The following LMTK3 variants were observed in gnomAD, a reference collection of about 807,000 sequenced individuals.
The protein encoded by LMTK3 is serine/threonine-protein kinase LMTK3.
A neutral mutation model predicts 116.7 loss-of-function variants in LMTK3; 27 were observed. That is an observed-to-expected ratio of 0.23 (90% CI 0.17 to 0.32). The LOEUF (loss-of-function observed/expected upper bound fraction) is 0.32. Among genes scored for constraint, LMTK3 ranks in the 10% least tolerant of loss-of-function variants. LMTK3 has a pLI of 1.00. For missense variants in LMTK3, 1,764 were observed against 2,068.5 expected, an observed-to-expected ratio of 0.85 and a Z score of 2.86; for synonymous variants, 965 against 971.0, an observed-to-expected ratio of 0.99 and a Z score of 0.11.
Position 48,508,835 on chromosome 19 carries a change from G to A in LMTK3, c.557+16C>T. On this transcript the variant is annotated intron_variant, in intron 5 of 14. Transcript: ENST00000600059. ...CACCTCAACAAGGCACACACCCACTGAGAAACCCTCAGTACCTGTACGGCT... is the reference window on the plus strand; with the variant it reads ...CACCTCAACAAGGCACACACCCACTAAGAAACCCTCAGTACCTGTACGGCT... The A allele has an allele frequency of 1.9e-6, 3 of 1,597,634 alleles. No individual in the cohort carries two copies. Among genetic ancestry groups the A allele is most frequent in the African/African-American group, 1.3e-5 (1 of 74,720 alleles).
intron 12 of LMTK3, 115 bp downstream of exon 12, chr19:48,493,579 T>C (rs1601043436): frequency 1.1e-5 from 9 of 791,272 alleles, no homozygotes; most frequent in South Asian, 3.4e-5. Context: ...CAGCTCCGCC[T>C]CCCTCCAGGC....
chr19:48,508,226 T>C (rs555615524), intron 5 of LMTK3, among the ~76,000 whole-genome samples: 11 of 151,944 alleles, frequency 7.2e-5, no homozygotes, highest in Non-Finnish European at 1.2e-4. Flanking sequence ...CATGGGAGGT[T>C]TTGGAGTGAG....
chr19:48,500,891 T>G lies in LMTK3; in HGVS notation c.1151+105A>C. On this transcript the variant is annotated intron_variant, in intron 10 of 14. Coordinates refer to ENST00000600059, the MANE Select transcript of LMTK3 (RefSeq NM_001388485.1). The surrounding 1 kb of genome is among the most constrained non-coding windows in gnomAD (Gnocchi z 4.0). ...AGCCCCTCTTCACTCTTGAGGGGTA[T>G]GGAGGGCAAACGGGATGTGGGTGAT... 1 of 1,180,914 alleles carries G rather than the reference T, an allele frequency of 8.5e-7. No individual in the cohort carries two copies. Among genetic ancestry groups the G allele is most frequent in the Non-Finnish European group, 1.2e-6 (1 of 865,064 alleles). 73.2% of individuals were successfully genotyped at this position (1,180,914 alleles called of 1,614,324 possible).
At chr19:48,501,751 C>T (rs1029110866) in intron 7 of LMTK3, among the ~76,000 whole-genome samples, 189 bp from the exon 8 acceptor site, 1 of 151,990 alleles carries the variant, frequency 6.6e-6, no homozygotes, top group Non-Finnish European at 1.5e-5. Context: ...TCTCCCCACC[C>T]CTGGTTCCTC....
chr19:48,486,972 TCTC>T (rs1972135089), intron 14 of LMTK3, among the ~76,000 whole-genome samples: 2 of 151,908 alleles, frequency 1.3e-5, no homozygotes, highest in Non-Finnish European at 2.9e-5. Context: ...TTCAAGCAAT[TCTC>T]CTGCTTCAGC....
chr19:48,493,810 G>A lies in LMTK3; in HGVS notation c.3976C>T (p.Leu1326=). 1 of 1,504,798 alleles carries A rather than the reference G, an allele frequency of 6.6e-7. No homozygotes were observed. The allele number at this position is 1,504,798 out of a possible 1,614,324, so 93.2% of individuals were successfully genotyped here. A position where few individuals can be genotyped will look rare whatever the true frequency, so the allele number is the denominator to read the frequency against. ...CGCGGAGACTTGAGCAGCCCCCGCA[G>A]CGGGCGGGCCGCGTCCGCGTCGGCG... The part of the protein sequence containing the change: ...SSADADAARP[L]RGLLKSPRGA... The change falls in exon 12 of 15, where the codon CTG becomes TTG. Residue 1326 remains leucine, a synonymous_variant. Transcript: ENST00000600059.
intron 14 of LMTK3, among the ~76,000 whole-genome samples, chr19:48,490,870 T>C (rs1432160848): frequency 3.3e-5 from 5 of 151,774 alleles, no homozygotes; most frequent in Non-Finnish European, 7.4e-5. Flanking sequence ...CCACAGAAGG[T>C]AAAACTGAGG....
At position 48,502,468 on chromosome 19, in the gene LMTK3, C is replaced by A. The variant is rs768376133; in HGVS notation, c.759G>T (p.Gly253=). 1.2e-6 allele frequency: 2 copies of A among 1,611,162 alleles called. No homozygotes were observed. The highest frequency in any genetic ancestry group is 1.7e-6 in the Non-Finnish European group (2 of 1,179,188). Residue 253 remains glycine (G), a synonymous_variant, in exon 7 of 15, where the codon GGG becomes GGT. Coordinates refer to ENST00000600059, the MANE Select transcript of LMTK3 (RefSeq NM_001388485.1). ...LQRMGLEIAR[G]LAHLHSHNYV... is the part of the protein sequence containing the mutation. ...AGTTGTGGGAATGCAGGTGCGCCAG[C>A]CCGCGGGCGATCTCCAGGCCCATCC...
chr19:48,485,819 G>T lies in LMTK3; in HGVS notation c.4367-30C>A, dbSNP rs767778028. 5.0e-6 allele frequency: 8 copies of T among 1,599,764 alleles called. No individual in the cohort carries two copies. In the East Asian group the frequency reaches 1.8e-4, roughly 36 times the overall value. On this transcript the variant is annotated intron_variant, in intron 14 of 14. Transcript: ENST00000600059. ...GGATGGACAGAGGAGACAGAGAAATGAAATTACTAGGGGGACAGCCTCATG... is the reference window on the plus strand; with the variant it reads ...GGATGGACAGAGGAGACAGAGAAATTAAATTACTAGGGGGACAGCCTCATG...
At chr19:48,501,610 A>G (rs1226496088) in intron 7 of LMTK3, 48 bp from the exon 8 acceptor site, 2 of 1,536,730 alleles carry the variant, frequency 1.3e-6, no homozygotes, top group Admixed American at 1.9e-5. Context: ...CCCTCCAGCC[A>G]CGCCCTGACC....
intron 7 of LMTK3, among the ~76,000 whole-genome samples, chr19:48,502,139 C>T (rs561745019): frequency 1.1e-4 from 14 of 128,182 alleles, no homozygotes; most frequent in Admixed American, 2.3e-4. Flanking sequence ...TCTTCCTCCT[C>T]CTCCCCTGAC....
At chr19:48,502,410 C>T (rs1290468503) in intron 7 of LMTK3, 23 bp downstream of exon 7, 2 of 1,605,706 alleles carry the variant, frequency 1.2e-6, no homozygotes, top group Non-Finnish European at 1.7e-6. Context: ...GTAGCTCCTC[C>T]CGCGGCTCCC....
intron 5 of LMTK3, among the ~76,000 whole-genome samples, chr19:48,507,314 C>T (rs1438962772): frequency 3.9e-5 from 6 of 152,214 alleles, no homozygotes; most frequent in Admixed American, 6.6e-5. Context: ...CCTAGGGTCA[C>T]ACAGCTGGTA....
intron 5 of LMTK3, among the ~76,000 whole-genome samples, chr19:48,508,452 G>A (rs1434961818): frequency 6.6e-6 from 1 of 152,062 alleles, no homozygotes; most frequent in Non-Finnish European, 1.5e-5. Context: ...TGGCCTGCTC[G>A]GGCACCTGCT....
Position 48,491,496 on chromosome 19 carries a change from C to T in LMTK3, c.4136G>A (p.Gly1379Glu). ...TGGAGGCGTTGACGGGTCCGTGTCC[C>T]CCTCGGGGGGGGCCTGGACGCTCAG... ...NELSVQAPPE[G>E]DTDPSTPPAP... is the part of the protein sequence containing the mutation. Residue 1379 changes from glycine to glutamate, a missense_variant, in exon 13 of 15, where the codon GGG becomes GAG. Coordinates refer to ENST00000600059, the MANE Select transcript of LMTK3 (RefSeq NM_001388485.1). The surrounding 1 kb of genome is among the most constrained non-coding windows in gnomAD (Gnocchi z 5.1). 3 of 1,406,922 alleles carry T rather than the reference C, an allele frequency of 2.1e-6. No individual in the cohort carries two copies. Among genetic ancestry groups the T allele is most frequent in the Non-Finnish European group, 2.8e-6 (3 of 1,077,698 alleles). 87.2% of individuals were successfully genotyped at this position (1,406,922 alleles called of 1,614,324 possible). A position where few individuals can be genotyped will look rare whatever the true frequency, so the allele number is the denominator to read the frequency against.
Position 48,511,598 on chromosome 19 carries a change from G to C in LMTK3, c.-22C>G. ...GCATCTTGTCGAGGATGGCAGGGAGGTGGAGGTGGTGGCGGCTGGGGAGGA... is the reference window on the plus strand; with the variant it reads ...GCATCTTGTCGAGGATGGCAGGGAGCTGGAGGTGGTGGCGGCTGGGGAGGA... On this transcript the variant is annotated 5_prime_UTR_variant, in exon 1 of 15. Transcript: ENST00000600059. The C allele has an allele frequency of 8.1e-7, 1 of 1,230,958 alleles. No individual in the cohort carries two copies. The highest frequency in any genetic ancestry group is 1.1e-6 in the Non-Finnish European group (1 of 921,368). 76.3% of individuals were successfully genotyped at this position (1,230,958 alleles called of 1,614,324 possible). A position where few individuals can be genotyped will look rare whatever the true frequency, so the allele number is the denominator to read the frequency against.
At chr19:48,495,159 G>A (rs1206131870) in intron 11 of LMTK3, among the ~76,000 whole-genome samples, 1 of 151,906 alleles carries the variant, frequency 6.6e-6, no homozygotes, top group Non-Finnish European at 1.5e-5. Context: ...ACAGGTGCCT[G>A]CCCCCACGCT....
chr19:48,505,103 C>CTTT (rs33927563), intron 5 of LMTK3, among the ~76,000 whole-genome samples: 648 of 55,608 alleles, frequency 0.012, 93 homozygotes, highest in South Asian at 0.019. Flanking sequence ...CTCTCTCTCT[C>CTTT]TTTTTTTTTT....
intron 6 of LMTK3, 114 bp from the exon 7 acceptor site, chr19:48,502,695 T>TC (rs1972494556): frequency 7.9e-7 from 1 of 1,269,360 alleles, no homozygotes; most frequent in Admixed American, 2.8e-5. Flanking sequence ...AGCCTTAGTT[T>TC]CCTCTGCTGC....
Sources: allele counts gnomAD v4.1 joint callset (sites outside exome capture counted in the v4.1 genomes callset), GRCh38; gene constraint gnomAD v4.1.1; non-coding constraint Gnocchi (gnomAD v3.1); transcripts MANE v1.5; gene names NCBI Gene and HGNC (gene_info 2026-07-23, HGNC 2026-07-21).